Variants in RBFOX1 observed in about 807,000 individuals in gnomAD.
The protein encoded by RBFOX1 is RNA binding protein fox-1 homolog 1.
In RBFOX1, 8 loss-of-function variants were observed where a neutral mutation model predicts 57.7. That is an observed-to-expected ratio of 0.14 (90% confidence interval 0.08 to 0.25). The LOEUF (loss-of-function observed/expected upper bound fraction) is 0.25, where lower values mean the gene tolerates loss of function less well. Among genes scored for constraint, RBFOX1 ranks in the 10% least tolerant of loss-of-function variants. The pLI is 1.00. For missense variants in RBFOX1, 611 were observed against 548.5 expected (o/e 1.11, Z -1.14); for synonymous variants, 326 against 222.4 (o/e 1.47, Z -4.15).
At chr16:7,234,704 A>G (rs202060360) in intron 4 of RBFOX1, among the ~76,000 whole-genome samples, 2 of 139,656 alleles carry the variant, frequency 1.4e-5, no homozygotes, top group East Asian at 2.2e-4. Flanking sequence ...TATATATGTT[A>G]TATATATAAG....
At chr16:7,627,298 A>G (rs547084513) in intron 10 of RBFOX1, among the ~76,000 whole-genome samples, 2 of 151,974 alleles carry the variant, frequency 1.3e-5, no homozygotes, top group African/African-American at 2.4e-5. Flanking sequence ...ATCATTGCCT[A>G]CTGGCTGTGT....
chr16:6,158,067 C>T (rs1244480438), intron 1 of RBFOX1, among the ~76,000 whole-genome samples: 1 of 152,124 alleles, frequency 6.6e-6, no homozygotes, highest in Non-Finnish European at 1.5e-5. Context: ...CCAATGGAAA[C>T]TAGGAGCGGG....
intron 4 of RBFOX1, among the ~76,000 whole-genome samples, chr16:5,895,197 T>C (rs994655213): frequency 2.0e-5 from 3 of 152,232 alleles, no homozygotes; most frequent in African/African-American, 7.2e-5. Flanking sequence ...CTATAAATGC[T>C]GAGGTCATAG....
At chr16:5,785,834 C>G (rs529468288) in intron 3 of RBFOX1, among the ~76,000 whole-genome samples, 1 of 152,220 alleles carries the variant, frequency 6.6e-6, no homozygotes, top group East Asian at 1.9e-4. Flanking sequence ...GCCAAGATGT[C>G]TGCAACTTCC....
chr16:7,703,292 C>T (rs779684581), intron 14 of RBFOX1, among the ~76,000 whole-genome samples: 2 of 152,186 alleles, frequency 1.3e-5, no homozygotes, highest in Non-Finnish European at 2.9e-5. Flanking sequence ...ATTTTGAATG[C>T]ATACTCTGCA....
chr16:6,588,906 C>T (rs551446256), intron 2 of RBFOX1, among the ~76,000 whole-genome samples: 3 of 152,254 alleles, frequency 2.0e-5, no homozygotes, highest in African/African-American at 7.2e-5. Context: ...TAAAGTTGGT[C>T]ACTGGGTAAC....
chr16:7,489,342 ATTG>A (rs1167865162), intron 4 of RBFOX1, among the ~76,000 whole-genome samples: 1 of 152,182 alleles, frequency 6.6e-6, no homozygotes, highest in Non-Finnish European at 1.5e-5. Flanking sequence ...GTATTTCATA[ATTG>A]TTCTTAAAAT....
intron 3 of RBFOX1, among the ~76,000 whole-genome samples, chr16:5,809,799 A>G (rs2055356458): frequency 6.6e-6 from 1 of 152,298 alleles, no homozygotes; most frequent in African/African-American, 2.4e-5. Flanking sequence ...TAGAAATACC[A>G]TTTGACCCAG....
intron 3 of RBFOX1, among the ~76,000 whole-genome samples, chr16:5,717,623 T>C (rs1485557984): frequency 6.6e-6 from 1 of 152,216 alleles, no homozygotes; most frequent in Non-Finnish European, 1.5e-5. Flanking sequence ...ATTCCTCAGT[T>C]ACTTCACTTA....
intron 1 of RBFOX1, among the ~76,000 whole-genome samples, chr16:6,045,868 G>A (rs2095490081): frequency 6.6e-6 from 1 of 152,136 alleles, no homozygotes; most frequent in African/African-American, 2.4e-5. Context: ...AAAACCCCAG[G>A]GAAAGACCAT....
rs148741194 is a variant in RBFOX1 at position 7,542,927 on chromosome 16, C to G, written c.270+24538C>G. Among the ~76,000 whole-genome samples, 315 of 152,134 alleles carry G rather than the reference C, an allele frequency of 2.1e-3. 1 individual carries two copies. The highest frequency in any genetic ancestry group is 3.5e-3 in the Non-Finnish European group (238 of 67,994). On this transcript the variant is annotated intron_variant, in intron 5 of 15. Transcript: ENST00000550418. The stretch of plus-strand genomic sequence containing the variant: ...CTTCCTAAAAACACCACCACCACCC[C>G]ACACATACAAACAAGAAAGGCAAGT...
intron 3 of RBFOX1, among the ~76,000 whole-genome samples, chr16:6,944,722 T>A (rs1426384833): frequency 6.6e-6 from 1 of 152,192 alleles, no homozygotes; most frequent in Non-Finnish European, 1.5e-5. Flanking sequence ...GCAACCTTTC[T>A]GCCCCTTGAC....
intron 4 of RBFOX1, among the ~76,000 whole-genome samples, chr16:7,517,444 A>C (rs1337858952): frequency 6.6e-6 from 1 of 152,060 alleles, no homozygotes; most frequent in African/African-American, 2.4e-5. Context: ...AGAAATGCTT[A>C]AAATGGGGAT....
chr16:6,314,110 A>G (rs112754230), intron 1 of RBFOX1, among the ~76,000 whole-genome samples: 2,150 of 152,272 alleles, frequency 0.014, 45 homozygotes, highest in African/African-American at 0.047. Flanking sequence ...TTACCTGGGT[A>G]CCAAGTACGG....
At chr16:7,280,001 A>G (rs1020879223) in intron 4 of RBFOX1, among the ~76,000 whole-genome samples, 2 of 152,170 alleles carry the variant, frequency 1.3e-5, no homozygotes, top group South Asian at 2.1e-4. Context: ...TGCTGACTCC[A>G]TGGCCAGCGC....
At chr16:6,656,625 C>CACACACAT (rs1555659226) in intron 3 of RBFOX1, among the ~76,000 whole-genome samples, 19 of 151,880 alleles carry the variant, frequency 1.3e-4, no homozygotes, top group South Asian at 8.4e-4. Flanking sequence ...CACACACACA[C>CACACACAT]ACACACTTCT....
intron 2 of RBFOX1, among the ~76,000 whole-genome samples, chr16:6,373,478 G>A (rs1235016273): frequency 6.6e-6 from 1 of 151,712 alleles, no homozygotes; most frequent in African/African-American, 2.4e-5. Context: ...TGGGTAGGAG[G>A]ATGGTTGGTG....
intron 3 of RBFOX1, among the ~76,000 whole-genome samples, chr16:6,811,884 C>T (rs1056683396): frequency 1.3e-5 from 2 of 152,040 alleles, no homozygotes; most frequent in African/African-American, 2.4e-5. Context: ...AGTGAAACTC[C>T]ATCTCAAAAT....
chr16:7,530,766 C>T (rs1432611441), intron 5 of RBFOX1, among the ~76,000 whole-genome samples: 1 of 152,182 alleles, frequency 6.6e-6, no homozygotes, highest in African/African-American at 2.4e-5. Flanking sequence ...TGCAGGAGTT[C>T]AGAAGCTGGC....
Sources: allele counts gnomAD v4.1 joint callset (sites outside exome capture counted in the v4.1 genomes callset), GRCh38; gene constraint gnomAD v4.1.1; transcripts MANE v1.5; gene names NCBI Gene and HGNC (gene_info 2026-07-23, HGNC 2026-07-21).